The following GLCE variants were observed in gnomAD, a reference collection of about 807,000 sequenced individuals.
GLCE encodes D-glucuronyl C5-epimerase.
In GLCE, 19 loss-of-function variants were observed where a neutral mutation model predicts 47.9. The observed-to-expected ratio is 0.40, with a 90% CI of 0.28 to 0.58. GLCE has a LOEUF of 0.58. GLCE is among the 20% of genes least tolerant of loss of function. The pLI, the probability that GLCE is intolerant of heterozygous loss-of-function variation, is 0.48. For missense variants in GLCE, 556 were observed against 743.3 expected (o/e 0.75, Z 2.93); for synonymous variants, 245 against 263.4 (o/e 0.93, Z 0.68).
At chr15:69,214,763 C>T (rs1373622012) in intron 2 of GLCE, among the ~76,000 whole-genome samples, 1 of 152,012 alleles carries the variant, frequency 6.6e-6, no homozygotes, top group Admixed American at 6.6e-5. Flanking sequence ...ATTTCTTTCT[C>T]CCACAGTGAG....
intron 1 of GLCE, among the ~76,000 whole-genome samples, chr15:69,191,690 G>A (rs2140353102): frequency 6.6e-6 from 1 of 152,214 alleles, no homozygotes. Context: ...TCAGAATATT[G>A]TTTGCATAAA....
chr15:69,242,989 T>G (rs547564822), intron 2 of GLCE, among the ~76,000 whole-genome samples: 10 of 142,608 alleles, frequency 7.0e-5, no homozygotes, highest in Non-Finnish European at 1.2e-4. Flanking sequence ...CCCGAGAGAT[T>G]GCAGCTACAG....
intron 1 of GLCE, among the ~76,000 whole-genome samples, chr15:69,161,535 G>T (rs1169015843): frequency 6.6e-6 from 1 of 152,118 alleles, no homozygotes; most frequent in Non-Finnish European, 1.5e-5. Context: ...GCAGTCTCTC[G>T]GGGTGGGCGC....
At chr15:69,178,985 A>G (rs1485446502) in intron 1 of GLCE, among the ~76,000 whole-genome samples, 1 of 152,238 alleles carries the variant, frequency 6.6e-6, no homozygotes, top group Non-Finnish European at 1.5e-5. Context: ...TGGGTTAAAA[A>G]AAAGTAAGTT....
chr15:69,166,934 G>T (rs1475414298), intron 1 of GLCE, among the ~76,000 whole-genome samples: 2 of 118,658 alleles, frequency 1.7e-5, no homozygotes, highest in Non-Finnish European at 3.5e-5. Flanking sequence ...AAAAAAAAAA[G>T]GCCGGGTGCG....
chr15:69,198,538 G>A (rs2052030154), intron 1 of GLCE, among the ~76,000 whole-genome samples: 1 of 152,122 alleles, frequency 6.6e-6, no homozygotes. Flanking sequence ...CTGTTGGCCA[G>A]AGGCCTCCCT....
rs1170245831 is a variant in GLCE at position 69,269,869 on chromosome 15, G to C, written c.*625G>C. 2 of 152,552 alleles carry C rather than the reference G, an allele frequency of 1.3e-5. No homozygotes were observed. The highest frequency in any genetic ancestry group is 4.8e-5 in the African/African-American group (2 of 41,426). 9.4% of individuals were successfully genotyped at this position (152,552 alleles called of 1,614,324 possible). On this transcript the variant is annotated 3_prime_UTR_variant, in exon 5 of 5. Transcript: ENST00000261858. ...AATTAAAAACACAATCAGTGTTCAGGCTTCAGTTATATAATGTAAGCACAA... is the reference window on the plus strand; with the variant it reads ...AATTAAAAACACAATCAGTGTTCAGCCTTCAGTTATATAATGTAAGCACAA...
chr15:69,198,192 A>G (rs180804778), intron 1 of GLCE, among the ~76,000 whole-genome samples: 20 of 152,138 alleles, frequency 1.3e-4, no homozygotes, highest in African/African-American at 4.3e-4. Flanking sequence ...ACTTTATTAC[A>G]TTTATTTACA....
chr15:69,268,438 G>A lies in GLCE; in HGVS notation c.1048G>A (p.Val350Ile), dbSNP rs1410189263. ...GIGPRTSWSTVTRDLVTDLRK... is the reference protein window; with the variant it reads ...GIGPRTSWSTITRDLVTDLRK... The stretch of plus-strand genomic sequence containing the variant: ...TGGGCCCAGAACTTCATGGAGCACA[G>A]TTACCAGGGACCTGGTCACTGACCT... Residue 350 changes from valine to isoleucine, a missense_variant, in exon 5 of 5, where the codon GTT becomes ATT. Physicochemically the swap from Val to Ile is conservative, Grantham distance 29 (BLOSUM62 3). Transcript: ENST00000261858. 6.2e-7 allele frequency: 1 copy of A among 1,614,130 alleles called. No individual in the cohort carries two copies. The highest frequency in any genetic ancestry group is 2.2e-5 in the East Asian group (1 of 44,892).
chr15:69,200,286 C>T (rs114044179), intron 1 of GLCE, among the ~76,000 whole-genome samples: 1,759 of 152,136 alleles, frequency 0.012, 26 homozygotes, highest in African/African-American at 0.038. Context: ...TATAAAGAGG[C>T]AAAGAAATGG....
At chr15:69,253,364 A>G (rs960510776) in intron 2 of GLCE, among the ~76,000 whole-genome samples, 19 of 152,372 alleles carry the variant, frequency 1.2e-4, no homozygotes, top group African/African-American at 4.6e-4. Flanking sequence ...GCTTATGTCC[A>G]GCCCACACAG....
chr15:69,252,612 C>T (rs1566969515), intron 2 of GLCE, among the ~76,000 whole-genome samples: 1 of 152,178 alleles, frequency 6.6e-6, no homozygotes, highest in Non-Finnish European at 1.5e-5. Flanking sequence ...TATCAGTAGC[C>T]TTGTTCCATA....
At chr15:69,236,343 A>G (rs1385014171) in intron 2 of GLCE, among the ~76,000 whole-genome samples, 1 of 152,240 alleles carries the variant, frequency 6.6e-6, no homozygotes, top group Non-Finnish European at 1.5e-5. Flanking sequence ...GATATGAGAT[A>G]CATCATTGAA....
intron 3 of GLCE, 47 bp from the exon 4 acceptor site, chr15:69,261,040 T>A (rs1304694104): frequency 1.9e-6 from 3 of 1,562,144 alleles, no homozygotes; most frequent in Non-Finnish European, 2.6e-6. Flanking sequence ...AGGAATAGGC[T>A]TGTAATGTCT....
intron 1 of GLCE, among the ~76,000 whole-genome samples, chr15:69,203,806 ATATTCTTT>A (rs2052110216): frequency 6.6e-6 from 1 of 152,112 alleles, no homozygotes; most frequent in Admixed American, 6.6e-5. Context: ...AAAAACCCTC[ATATTCTTT>A]TAAATATAAT....
chr15:69,256,506 A>C, intron 3 of GLCE, 114 bp downstream of exon 3: 1 of 753,262 alleles, frequency 1.3e-6, no homozygotes, highest in Non-Finnish European at 2.2e-6. Flanking sequence ...ACCTTTCATC[A>C]CTCTAATTTA....
chr15:69,175,442 C>T (rs572960151), intron 1 of GLCE, among the ~76,000 whole-genome samples: 1 of 152,292 alleles, frequency 6.6e-6, no homozygotes, highest in African/African-American at 2.4e-5. Context: ...AATGTACTTA[C>T]TGGACCTCAG....
rs533008912 is a variant in GLCE at position 69,225,755 on chromosome 15, G to A, written c.-14+15349G>A. Among the ~76,000 whole-genome samples, 26 of 152,138 alleles carry A rather than the reference G, an allele frequency of 1.7e-4. 1 individual carries two copies. The South Asian group carries it at 3.3e-3, about 19-fold the overall frequency. ...CCTGGCATCGATCTAAACAATTTATGTACATTAACTCATTTAATACTACAT... is the reference window on the plus strand; with the variant it reads ...CCTGGCATCGATCTAAACAATTTATATACATTAACTCATTTAATACTACAT... On this transcript the variant is annotated intron_variant, in intron 2 of 4. Coordinates refer to ENST00000261858, the MANE Select transcript of GLCE (RefSeq NM_015554.3).
chr15:69,170,574 A>G (rs2051574607), intron 1 of GLCE, among the ~76,000 whole-genome samples: 1 of 152,180 alleles, frequency 6.6e-6, no homozygotes, highest in Admixed American at 6.5e-5. Flanking sequence ...GTGTGCATGC[A>G]TGTGTGTAAT....
Sources: allele counts gnomAD v4.1 joint callset (sites outside exome capture counted in the v4.1 genomes callset), GRCh38; gene constraint gnomAD v4.1.1; transcripts MANE v1.5; gene names NCBI Gene and HGNC (gene_info 2026-07-23, HGNC 2026-07-21).